Variants in THSD4 observed in about 807,000 individuals in gnomAD.
THSD4 encodes thrombospondin type-1 domain-containing protein 4.
THSD4 carries 69 observed loss-of-function variants against 119.0 expected under a neutral mutation model. The observed-to-expected ratio is 0.58, with a 90% CI of 0.48 to 0.71. The LOEUF (loss-of-function observed/expected upper bound fraction) is 0.71. THSD4 is among the 30% of genes least tolerant of loss of function. THSD4 has a pLI of 0.00. For missense variants in THSD4, 1,393 were observed against 1,391.1 expected (o/e 1.00, Z -0.02); for synonymous variants, 524 against 540.4 (o/e 0.97, Z 0.42).
At chr15:71,583,956 T>C (rs1185320138) in intron 7 of THSD4, among the ~76,000 whole-genome samples, 2 of 152,186 alleles carry the variant, frequency 1.3e-5, no homozygotes, top group African/African-American at 4.8e-5. Flanking sequence ...CTGTTCCTTA[T>C]GGATTTTCTG....
At chr15:71,660,993 A>G (rs2051295068) in intron 8 of THSD4, among the ~76,000 whole-genome samples, 1 of 152,212 alleles carries the variant, frequency 6.6e-6, no homozygotes, top group African/African-American at 2.4e-5. Flanking sequence ...CAAGAGAAAC[A>G]TGGTTATAAA....
Position 71,481,284 on chromosome 15 carries a change from A to G in THSD4, c.1152+69461A>G, listed in dbSNP as rs572520378. Among the ~76,000 whole-genome samples the G allele has an allele frequency of 1.7e-4, 26 of 152,372 alleles. No homozygotes were observed. In the East Asian group the frequency reaches 5.0e-3, roughly 29 times the overall value. On this transcript the variant is annotated intron_variant, in intron 7 of 17. Coordinates refer to ENST00000261862, the MANE Select transcript of THSD4 (RefSeq NM_024817.3). Reference sequence around the variant, plus strand: ...TGGAATACTATATTATTAGGCTTCTATGGAAAGTACTAATAGCTACTTCTT... The same window carrying G: ...TGGAATACTATATTATTAGGCTTCTGTGGAAAGTACTAATAGCTACTTCTT...
At chr15:71,611,399 T>A (rs1240671116) in intron 7 of THSD4, among the ~76,000 whole-genome samples, 1 of 152,232 alleles carries the variant, frequency 6.6e-6, no homozygotes. Flanking sequence ...TTCCATTTGC[T>A]GCTGCCTACT....
At chr15:71,732,620 A>G (rs2053002316) in intron 10 of THSD4, 1 of 152,238 alleles carries the variant, frequency 6.6e-6, no homozygotes, top group Non-Finnish European at 1.5e-5. Context: ...AGTTCTTTGA[A>G]TTCTCATGAC....
intron 6 of THSD4, among the ~76,000 whole-genome samples, chr15:71,396,426 C>T (rs926681177): frequency 3.3e-5 from 5 of 152,110 alleles, no homozygotes; most frequent in African/African-American, 4.8e-5. Context: ...CTTCCTCTGC[C>T]TCTGACTTTC....
chr15:71,493,254 C>T (rs1410643346), intron 7 of THSD4, among the ~76,000 whole-genome samples: 1 of 152,232 alleles, frequency 6.6e-6, no homozygotes, highest in Non-Finnish European at 1.5e-5. Context: ...GAAGTTAACA[C>T]TGAATTGTGA....
chr15:71,368,761 T>G (rs531607508), intron 6 of THSD4, among the ~76,000 whole-genome samples: 29 of 152,272 alleles, frequency 1.9e-4, no homozygotes, highest in East Asian at 1.7e-3. Flanking sequence ...TTGTCTTGGC[T>G]ATGTGCGCTC....
intron 6 of THSD4, among the ~76,000 whole-genome samples, chr15:71,311,457 AGCTTT>A (rs2045109540): frequency 6.6e-6 from 1 of 152,204 alleles, no homozygotes; most frequent in Non-Finnish European, 1.5e-5. Flanking sequence ...CCATTTGAAC[AGCTTT>A]TAGAATCCAG....
intron 7 of THSD4, among the ~76,000 whole-genome samples, chr15:71,630,928 T>C (rs1337723314): frequency 4.6e-5 from 7 of 152,192 alleles, no homozygotes; most frequent in Non-Finnish European, 7.4e-5. Flanking sequence ...GGGGCTGTCC[T>C]GTGCGTTGTA....
At chr15:71,307,333 C>G (rs1284735916) in intron 6 of THSD4, among the ~76,000 whole-genome samples, 1 of 152,172 alleles carries the variant, frequency 6.6e-6, no homozygotes, top group Non-Finnish European at 1.5e-5. Flanking sequence ...TGGTATTATA[C>G]CCAGTTTCTA....
intron 7 of THSD4, among the ~76,000 whole-genome samples, chr15:71,631,660 C>G (rs888727399): frequency 6.6e-6 from 1 of 152,082 alleles, no homozygotes; most frequent in African/African-American, 2.4e-5. Context: ...AGAAAGAGGC[C>G]GAAATAGCCC....
At chr15:71,641,084 C>T (rs1020400128) in intron 7 of THSD4, among the ~76,000 whole-genome samples, 1 of 152,110 alleles carries the variant, frequency 6.6e-6, no homozygotes, top group African/African-American at 2.4e-5. Flanking sequence ...CCTCCCAAAA[C>T]AGCCCTTCCA....
chr15:71,718,016 G>A (rs189213674), intron 8 of THSD4, among the ~76,000 whole-genome samples: 1 of 152,220 alleles, frequency 6.6e-6, no homozygotes, highest in East Asian at 1.9e-4. Flanking sequence ...GGGCATGGTG[G>A]TGCACACCTG....
intron 6 of THSD4, among the ~76,000 whole-genome samples, chr15:71,407,746 G>C (rs2046627907): frequency 1.3e-5 from 2 of 152,134 alleles, no homozygotes; most frequent in Non-Finnish European, 2.9e-5. Context: ...ATAAGAGTCA[G>C]CTGCTTCCAA....
intron 7 of THSD4, among the ~76,000 whole-genome samples, chr15:71,482,295 C>T (rs1595811027): frequency 7.0e-6 from 1 of 143,560 alleles, no homozygotes; most frequent in African/African-American, 2.6e-5. Flanking sequence ...TGTACTGTAA[C>T]TTTTTTTTTT....
chr15:71,608,713 T>G (rs1442825428), intron 7 of THSD4, among the ~76,000 whole-genome samples: 1 of 152,196 alleles, frequency 6.6e-6, no homozygotes, highest in Admixed American at 6.5e-5. Flanking sequence ...CAAAAAGTCC[T>G]TCTAATCTCT....
rs770722024 is a variant in THSD4 at position 71,714,707 on chromosome 15, G to C, written c.1358-13842G>C. On this transcript the variant is annotated intron_variant, in intron 8 of 17. Coordinates refer to ENST00000261862, the MANE Select transcript of THSD4 (RefSeq NM_024817.3). ...CCTAAAAATATAAAATTAGCCGAGC[G>C]TGGTGACGCATGCCTGTAATCCTAG... Among the ~76,000 whole-genome samples the C allele has an allele frequency of 2.0e-5, 3 of 151,152 alleles. No homozygotes were observed. In the East Asian group the frequency reaches 5.8e-4, roughly 29 times the overall value.
chr15:71,296,700 C>T (rs1462372897), intron 6 of THSD4, among the ~76,000 whole-genome samples: 3 of 152,196 alleles, frequency 2.0e-5, no homozygotes, highest in Non-Finnish European at 4.4e-5. Context: ...TGTGTTATCA[C>T]ATTGTAAAAG....
At chr15:71,530,091 G>A (rs780333636) in intron 7 of THSD4, among the ~76,000 whole-genome samples, 22 of 152,136 alleles carry the variant, frequency 1.4e-4, no homozygotes, top group African/African-American at 4.8e-4. Flanking sequence ...TGTAGTTGCA[G>A]CCTTCAAAAC....
Sources: allele counts gnomAD v4.1 joint callset (sites outside exome capture counted in the v4.1 genomes callset), GRCh38; gene constraint gnomAD v4.1.1; transcripts MANE v1.5; gene names NCBI Gene and HGNC (gene_info 2026-07-23, HGNC 2026-07-21).